VWF: variants seen among roughly 807,000 people sequenced by gnomAD.
VWF encodes von Willebrand factor, also known as Factor VIII related antigen.
A neutral mutation model predicts 308.6 loss-of-function variants in VWF; 176 were observed. The ratio of observed to expected loss-of-function variants is 0.57; its 90% CI spans 0.50 to 0.65. The LOEUF is 0.65. Ranked by LOEUF, VWF falls within the 30% of genes least tolerant of loss-of-function variation. VWF has a pLI of 0.00. For missense variants in VWF, 3,146 were observed against 3,648.2 expected (o/e 0.86, Z 3.55); for synonymous variants, 1,385 against 1,443.4 (o/e 0.96, Z 0.92).
At chr12:6,055,761 T>TACACACACACACAC (rs35414262) in intron 15 of VWF, among the ~76,000 whole-genome samples, 3,702 of 135,218 alleles carry the variant, frequency 0.027, 92 homozygotes, top group Middle Eastern at 0.069. Context: ...TATATATGTA[T>TACACACACACACAC]ACACACACAC....
intron 5 of VWF, among the ~76,000 whole-genome samples, chr12:6,097,476 A>T (rs1945117786): frequency 6.6e-6 from 1 of 152,078 alleles, no homozygotes; most frequent in South Asian, 2.1e-4. Flanking sequence ...ACAAAAAAAG[A>T]CATGGGCAGA....
intron 7 of VWF, among the ~76,000 whole-genome samples, chr12:6,074,487 TAAA>T (rs776702305): frequency 8.1e-5 from 5 of 61,978 alleles, no homozygotes; most frequent in Admixed American, 1.9e-4. Flanking sequence ...TTCACAGACC[TAAA>T]AAAAAAAAAA....
rs908264437 is a variant in VWF, at chr12:5,948,955, T to C, written c.*60A>G. Reference sequence around the variant, plus strand: ...AGAACATGCAGAGGACTGGCAGCACTCTGGCCTGGCCATCAGGCCAAGGCA... The same window carrying C: ...AGAACATGCAGAGGACTGGCAGCACCCTGGCCTGGCCATCAGGCCAAGGCA... On this transcript the variant is annotated 3_prime_UTR_variant, in exon 52 of 52. Coordinates refer to ENST00000261405, the MANE Select transcript of VWF (RefSeq NM_000552.5). The surrounding 1 kb of genome is among the most constrained non-coding windows in gnomAD (Gnocchi z 4.4). 1.3e-6 allele frequency: 2 copies of C among 1,562,308 alleles called. No homozygotes were observed. Among genetic ancestry groups the C allele is most frequent in the Admixed American group, 3.7e-5 (2 of 54,682 alleles).
chr12:6,075,747 A>G lies in VWF; in HGVS notation c.658-196T>C, dbSNP rs1944835550. ...ATGCTGGACCCGTGCAATGTGAAGT[A>G]GACCAAGGCTAAGGTTACATCCTAG... On this transcript the variant is annotated intron_variant, in intron 6 of 51. Transcript: ENST00000261405. This position sits in a 1 kb window ranked among gnomAD's most constrained non-coding sequence, Gnocchi z 4.7. Among the ~76,000 whole-genome samples the G allele has an allele frequency of 6.6e-6, 1 of 152,270 alleles. No homozygotes were observed. Among genetic ancestry groups the G allele is most frequent in the Non-Finnish European group, 1.5e-5 (1 of 68,048 alleles).
chr12:5,949,945 GC>G, intron 50 of VWF, 62 bp from the exon 51 acceptor site: 1 of 1,477,592 alleles, frequency 6.8e-7, no homozygotes, highest in Non-Finnish European at 9.4e-7. Context: ...ACACTCTTCA[GC>G]CCCAGTGCCC....
chr12:5,968,183 G>A lies in VWF; in HGVS notation c.7730-16C>T, dbSNP rs758780708. 6.2e-7 allele frequency: 1 copy of A among 1,613,932 alleles called. No individual in the cohort carries two copies. The highest frequency in any genetic ancestry group is 2.2e-5 in the East Asian group (1 of 44,874). On this transcript the variant is annotated splice_polypyrimidine_tract_variant and intron_variant, in intron 45 of 51. Transcript: ENST00000261405. ...TCCATGCGCTCTGGGGGAGAGAAAA[G>A]TGCAGAGTGAGAGTGGGCAAAACAC...
intron 3 of VWF, among the ~76,000 whole-genome samples, chr12:6,115,286 G>A (rs557783914): frequency 1.3e-5 from 2 of 152,232 alleles, no homozygotes; most frequent in African/African-American, 2.4e-5. Flanking sequence ...CAATCCTCCC[G>A]CTTCAGCCTC....
intron 26 of VWF, among the ~76,000 whole-genome samples, chr12:6,022,494 C>T (rs1591865328): frequency 6.6e-6 from 1 of 150,978 alleles, no homozygotes; most frequent in East Asian, 2.0e-4. Flanking sequence ...AAAGTTCTAT[C>T]GGCAGGGGCT....
rs533704459 is a variant in VWF, at chr12:6,032,917, TAC to T, written c.2686-1341_2686-1340del. On this transcript the variant is annotated intron_variant, in intron 20 of 51. Transcript: ENST00000261405. Reference sequence around the variant, plus strand: ...ACACATACATACACACACGTAGCCATACACACACACGCGCTCACGCATACACA... The same window carrying T: ...ACACATACATACACACACGTAGCCATACACACACGCGCTCACGCATACACA... 4.2e-3 allele frequency among the ~76,000 whole-genome samples: 617 copies of T among 148,294 alleles called. 3 individuals carry two copies. The highest frequency in any genetic ancestry group is 6.3e-3 in the Non-Finnish European group (424 of 66,998).
intron 47 of VWF, among the ~76,000 whole-genome samples, chr12:5,964,174 A>G (rs533013169): frequency 4.3e-4 from 65 of 150,448 alleles, no homozygotes; most frequent in East Asian, 3.7e-3. Flanking sequence ...CCGAGATCTC[A>G]CCACTGCACT....
chr12:6,055,781 C>CACACACACAG (rs1303396572), intron 15 of VWF, among the ~76,000 whole-genome samples: 2 of 150,866 alleles, frequency 1.3e-5, no homozygotes, highest in Admixed American at 6.6e-5. Context: ...CACACACACA[C>CACACACACAG]ACACACACAC....
At chr12:6,120,916 G>A (rs1409749814) in intron 3 of VWF, among the ~76,000 whole-genome samples, 6 of 152,100 alleles carry the variant, frequency 3.9e-5, no homozygotes, top group Admixed American at 2.0e-4. Context: ...CCAGGGCATC[G>A]CCGGGCCCCA....
chr12:6,000,151 A>C (rs2136392291), intron 34 of VWF, among the ~76,000 whole-genome samples: 1 of 152,288 alleles, frequency 6.6e-6, no homozygotes, highest in South Asian at 2.1e-4. Flanking sequence ...AAAAAGAACC[A>C]AATCTATGTA....
intron 10 of VWF, among the ~76,000 whole-genome samples, chr12:6,070,752 C>A (rs749143583): frequency 6.6e-6 from 1 of 152,204 alleles, no homozygotes; most frequent in Non-Finnish European, 1.5e-5. Flanking sequence ...GAGGAGAAAG[C>A]AAATGGCAGA....
chr12:6,103,361 T>C (rs1024021121), intron 5 of VWF, among the ~76,000 whole-genome samples: 1 of 140,562 alleles, frequency 7.1e-6, no homozygotes, highest in African/African-American at 2.8e-5. Flanking sequence ...TATATATACA[T>C]ATATATGTGT....
intron 22 of VWF, among the ~76,000 whole-genome samples, chr12:6,027,905 T>TC (rs1311895201): frequency 1.2e-4 from 18 of 151,692 alleles, no homozygotes; most frequent in African/African-American, 4.4e-4. Flanking sequence ...AAAACTTTTT[T>TC]CCCCTGCTGT....
chr12:6,056,538 G>T (rs1944580482), intron 15 of VWF, among the ~76,000 whole-genome samples: 1 of 152,144 alleles, frequency 6.6e-6, no homozygotes, highest in Non-Finnish European at 1.5e-5. Flanking sequence ...CTGACCTTCT[G>T]TGCTGAACGA....
At chr12:5,985,842 T>G (rs1943674670) in intron 38 of VWF, among the ~76,000 whole-genome samples, 177 bp from the exon 39 acceptor site, 1 of 152,194 alleles carries the variant, frequency 6.6e-6, no homozygotes, top group Non-Finnish European at 1.5e-5. Context: ...TCTAATGGCT[T>G]TCAGAAAGGT....
chr12:6,029,311 C>T lies in VWF; in HGVS notation c.2967+31G>A, dbSNP rs1006499844. On this transcript the variant is annotated intron_variant, in intron 22 of 51. Transcript: ENST00000261405. ...CAGAAAACACTCCAAAGGCCAAGTC[C>T]CCAACAAGATGAAGCAAGAAAGCCA... 6 of 1,613,566 alleles carry T rather than the reference C, an allele frequency of 3.7e-6. No individual in the cohort carries two copies. In the African/African-American group the frequency reaches 6.7e-5, roughly 18 times the overall value.
Sources: gnomAD v4.1 joint callset for allele counts (sites outside exome capture counted in the v4.1 genomes callset) on GRCh38, gnomAD v4.1.1 for gene constraint, Gnocchi (gnomAD v3.1) non-coding constraint, MANE v1.5 for transcripts, NCBI Gene and HGNC (gene_info 2026-07-23, HGNC 2026-07-21) for gene names.